Variants in SDK1 observed in about 807,000 individuals in gnomAD.
The protein encoded by SDK1 is protein sidekick-1.
SDK1 carries 157 observed loss-of-function variants against 245.5 expected under a neutral mutation model. The ratio of observed to expected loss-of-function variants is 0.64; its 90% CI spans 0.56 to 0.73. The LOEUF (loss-of-function observed/expected upper bound fraction) is 0.73, where lower values mean the gene tolerates loss of function less well. SDK1 is among the 30% of genes least tolerant of loss of function. The pLI is 0.00. For missense variants in SDK1, 3,583 were observed against 3,002.3 expected (o/e 1.19, Z -4.52); for synonymous variants, 1,647 against 1,278.5 (o/e 1.29, Z -6.15).
chr7:3,760,657 T>C (rs2114988866), intron 4 of SDK1, among the ~76,000 whole-genome samples: 1 of 152,362 alleles, frequency 6.6e-6, no homozygotes, highest in South Asian at 2.1e-4. Context: ...TTCAGGGATT[T>C]TGATCTTTTG....
intron 1 of SDK1, among the ~76,000 whole-genome samples, chr7:3,500,732 A>G (rs533452277): frequency 6.6e-6 from 1 of 152,194 alleles, no homozygotes; most frequent in South Asian, 2.1e-4. Context: ...TAATGACTTC[A>G]TCCTTTAATT....
At chr7:4,078,312 G>A (rs1183732395) in intron 21 of SDK1, among the ~76,000 whole-genome samples, 1 of 152,202 alleles carries the variant, frequency 6.6e-6, no homozygotes, top group Admixed American at 6.5e-5. Flanking sequence ...TGTTTACCGT[G>A]CTTGAAGTTT....
intron 26 of SDK1, among the ~76,000 whole-genome samples, chr7:4,128,778 G>C (rs1000406396): frequency 6.8e-6 from 1 of 146,506 alleles, no homozygotes; most frequent in Non-Finnish European, 1.5e-5. Context: ...GAGCAGCTTA[G>C]GGTTGGGTGC....
chr7:4,074,856 T>TTCTCTCTCTCTCTC (rs1159856321), intron 20 of SDK1, among the ~76,000 whole-genome samples: 8 of 72,346 alleles, frequency 1.1e-4, no homozygotes, highest in African/African-American at 4.7e-4. Flanking sequence ...GAGCAAGACT[T>TTCTCTCTCTCTCTC]TCTCTCTCTC....
At chr7:3,638,394 A>C (rs1339207301) in intron 2 of SDK1, among the ~76,000 whole-genome samples, 1 of 152,034 alleles carries the variant, frequency 6.6e-6, no homozygotes, top group Non-Finnish European at 1.5e-5. Flanking sequence ...CAAATGTCCC[A>C]CAGTGATAGA....
At chr7:3,302,416 C>A (rs977377075) in intron 1 of SDK1, 7 of 152,250 alleles carry the variant, frequency 4.6e-5, no homozygotes, top group Non-Finnish European at 1.0e-4. Context: ...GCTGCGCGGC[C>A]GGTGGAGCAA....
intron 1 of SDK1, among the ~76,000 whole-genome samples, chr7:3,397,121 C>G (rs1486305132): frequency 6.6e-6 from 1 of 151,824 alleles, no homozygotes; most frequent in African/African-American, 2.4e-5. Context: ...AATTTTTTCT[C>G]ACTTGCATGC....
At chr7:3,904,979 C>T (rs1343851516) in intron 5 of SDK1, among the ~76,000 whole-genome samples, 17 of 142,966 alleles carry the variant, frequency 1.2e-4, no homozygotes, top group East Asian at 4.0e-4. Flanking sequence ...GGTGACAGAG[C>T]GAGACTCCGT....
chr7:4,223,522 G>C (rs1203735854), intron 40 of SDK1, among the ~76,000 whole-genome samples: 1 of 152,192 alleles, frequency 6.6e-6, no homozygotes, highest in Non-Finnish European at 1.5e-5. Context: ...TGGGTGATCT[G>C]GGGCTGACAG....
chr7:3,377,753 C>T (rs1781390402), intron 1 of SDK1, among the ~76,000 whole-genome samples: 1 of 151,980 alleles, frequency 6.6e-6, no homozygotes, highest in South Asian at 2.1e-4. Flanking sequence ...CTGTTCCAAA[C>T]TATATTTTTA....
intron 17 of SDK1, among the ~76,000 whole-genome samples, chr7:4,027,367 T>A (rs938131908): frequency 2.6e-5 from 4 of 152,222 alleles, no homozygotes; most frequent in African/African-American, 9.6e-5. Context: ...CAAATCCAGC[T>A]GATTTTACAG....
rs561126540 is a variant in SDK1 at position 4,179,853 on chromosome 7, G to A, written c.5098+1267G>A. On this transcript the variant is annotated intron_variant, in intron 35 of 44. Coordinates refer to ENST00000404826, the MANE Select transcript of SDK1 (RefSeq NM_152744.4). The stretch of plus-strand genomic sequence containing the variant: ...TGACTGGGCCCCAGTTGGCCCCCAT[G>A]GCTGGGGGTGGGTCAGCCTGTGGCA... Among the ~76,000 whole-genome samples, 312 of 151,994 alleles carry A rather than the reference G, an allele frequency of 2.1e-3. 1 individual carries two copies. Among genetic ancestry groups the A allele is most frequent in the African/African-American group, 6.8e-3 (282 of 41,476 alleles).
intron 2 of SDK1, among the ~76,000 whole-genome samples, chr7:3,622,511 C>A (rs894079024): frequency 1.3e-5 from 2 of 152,096 alleles, no homozygotes; most frequent in Non-Finnish European, 2.9e-5. Context: ...AATGGTGTAA[C>A]GGCTTTATTT....
At chr7:3,740,750 A>C (rs536928087) in intron 4 of SDK1, among the ~76,000 whole-genome samples, 6 of 152,322 alleles carry the variant, frequency 3.9e-5, no homozygotes, top group Admixed American at 2.0e-4. Context: ...GTTTTTCTTG[A>C]ATAAACAGTA....
At chr7:3,902,612 T>A (rs1781828021) in intron 5 of SDK1, among the ~76,000 whole-genome samples, 1 of 152,226 alleles carries the variant, frequency 6.6e-6, no homozygotes, top group Non-Finnish European at 1.5e-5. Context: ...AGGAAAACTT[T>A]CCTGTGTCTT....
intron 1 of SDK1, among the ~76,000 whole-genome samples, chr7:3,544,986 T>C (rs1779171093): frequency 6.6e-6 from 1 of 152,118 alleles, no homozygotes; most frequent in Non-Finnish European, 1.5e-5. Flanking sequence ...GTCCCTAACT[T>C]CTGCCTGCCT....
chr7:4,117,085 T>A (rs140904428), intron 25 of SDK1, among the ~76,000 whole-genome samples: 17 of 152,316 alleles, frequency 1.1e-4, no homozygotes, highest in African/African-American at 3.8e-4. Flanking sequence ...CTAAATCCAG[T>A]AAAAGGCAGG....
chr7:3,494,865 G>C (rs961910729), intron 1 of SDK1, among the ~76,000 whole-genome samples: 12 of 152,168 alleles, frequency 7.9e-5, no homozygotes, highest in Admixed American at 3.9e-4. Flanking sequence ...GTGATGTGAG[G>C]ATTTCTTTAC....
chr7:4,104,148 C>A (rs1359262153), intron 22 of SDK1, among the ~76,000 whole-genome samples: 1 of 152,200 alleles, frequency 6.6e-6, no homozygotes, highest in African/African-American at 2.4e-5. Context: ...CAGCCTAGAC[C>A]CTCAGAGCTC....
Sources: gnomAD v4.1 joint callset for allele counts (sites outside exome capture counted in the v4.1 genomes callset) on GRCh38, gnomAD v4.1.1 for gene constraint, MANE v1.5 for transcripts, NCBI Gene and HGNC (gene_info 2026-07-23, HGNC 2026-07-21) for gene names.